KYAT3: variants seen among roughly 807,000 people sequenced by gnomAD.
KYAT3 encodes kynurenine aminotransferase 3, also known as kynurenine--oxoglutarate transaminase 3.
In KYAT3, 50 loss-of-function variants were observed where a neutral mutation model predicts 59.0. That is an observed-to-expected ratio of 0.85 (90% confidence interval 0.68 to 1.07). The LOEUF is 1.07. Among genes scored for constraint, KYAT3 ranks in the 50% least tolerant of loss-of-function variants. The pLI, the probability that KYAT3 is intolerant of heterozygous loss-of-function variation, is 0.00. For missense variants in KYAT3, 497 were observed against 533.3 expected, an observed-to-expected ratio of 0.93 and a Z score of 0.67; for synonymous variants, 148 against 177.0, an observed-to-expected ratio of 0.84 and a Z score of 1.30.
At chr1:88,937,339 A>G (rs1675079012) in intron 13 of KYAT3, among the ~76,000 whole-genome samples, 2 of 152,176 alleles carry the variant, frequency 1.3e-5, no homozygotes, top group South Asian at 4.1e-4. Context: ...GGAAAAGGGT[A>G]TTCTCTCAGG....
At chr1:88,975,827 G>C (rs893600924) in intron 2 of KYAT3, among the ~76,000 whole-genome samples, 4 of 152,012 alleles carry the variant, frequency 2.6e-5, no homozygotes, top group Non-Finnish European at 4.4e-5. Context: ...CTGAGGTCAG[G>C]AGTTCAAGAC....
At chr1:88,962,570 G>A (rs6685132) in intron 5 of KYAT3, among the ~76,000 whole-genome samples, 4,927 of 152,272 alleles carry the variant, frequency 0.032, 241 homozygotes, top group African/African-American at 0.11. Flanking sequence ...GGCTATGTGG[G>A]AAGAGAACAC....
chr1:88,930,448 C>T, the KYAT3 span, among the ~76,000 whole-genome samples: 5 of 152,148 alleles, frequency 3.3e-5, no homozygotes, highest in Non-Finnish European at 5.9e-5. Context: ...CTCAAACCTG[C>T]GCCGCTCGAG....
intron 8 of KYAT3, among the ~76,000 whole-genome samples, chr1:88,959,910 T>TA (rs1557690745): frequency 1.3e-5 from 2 of 149,932 alleles, no homozygotes; most frequent in South Asian, 2.1e-4. Flanking sequence ...TTATTTTTCT[T>TA]AAAAAAAATT....
intron 11 of KYAT3, among the ~76,000 whole-genome samples, chr1:88,943,637 C>T (rs1675328857): frequency 6.6e-6 from 1 of 152,162 alleles, no homozygotes; most frequent in African/African-American, 2.4e-5. Flanking sequence ...TAAGGCAGTA[C>T]TCACATATAC....
intron 2 of KYAT3, chr1:88,982,013 C>T (rs1165202036): frequency 2.0e-6 from 2 of 979,288 alleles, no homozygotes; most frequent in African/African-American, 3.5e-5. Context: ...GTTTAGCACA[C>T]ACTTAAATGG....
intron 8 of KYAT3, among the ~76,000 whole-genome samples, chr1:88,960,928 G>A (rs967344181): frequency 1.3e-5 from 2 of 152,202 alleles, no homozygotes; most frequent in African/African-American, 4.8e-5. Flanking sequence ...ATGGGCAAAA[G>A]AACTACTTTT....
chr1:88,933,447 G>A (rs1325955717), downstream of KYAT3, among the ~76,000 whole-genome samples: 2 of 152,068 alleles, frequency 1.3e-5, no homozygotes, highest in South Asian at 2.1e-4. Flanking sequence ...AAGTAAAGAA[G>A]ATAGGAACAA....
At chr1:88,946,340 A>G (rs1170105406) in intron 11 of KYAT3, among the ~76,000 whole-genome samples, 1 of 146,700 alleles carries the variant, frequency 6.8e-6, no homozygotes, top group Non-Finnish European at 1.5e-5. Context: ...TTTTTTTTTT[A>G]ATTTAAGAGA....
chr1:88,989,423 G>T (rs953741926), intron 1 of KYAT3, among the ~76,000 whole-genome samples: 30 of 152,132 alleles, frequency 2.0e-4, no homozygotes, highest in Admixed American at 1.8e-3. Flanking sequence ...CTGGGCCTCA[G>T]TTTCTCCATT....
downstream of KYAT3, among the ~76,000 whole-genome samples, chr1:88,931,089 G>A (rs941020809): frequency 4.6e-5 from 7 of 151,970 alleles, no homozygotes; most frequent in Non-Finnish European, 8.8e-5. Context: ...AAATACTTTT[G>A]CCTGCAGCTA....
Position 88,986,309 on chromosome 1 carries a change from C to A in KYAT3, c.99+1943G>T, listed in dbSNP as rs1325377719. Among the ~76,000 whole-genome samples the A allele has an allele frequency of 4.0e-5, 6 of 149,224 alleles. No individual in the cohort carries two copies. The East Asian group carries it at 1.2e-3, about 30-fold the overall frequency. ...CTGGTGGACATTTAAATTTTAGACT[C>A]TCTTAAAAAAAAAAAAATTAATAGA... On this transcript the variant is annotated intron_variant, in intron 2 of 13. Transcript: ENST00000260508.
At chr1:88,939,435 A>C (rs1675157309) in intron 13 of KYAT3, among the ~76,000 whole-genome samples, 2 of 152,294 alleles carry the variant, frequency 1.3e-5, no homozygotes, top group South Asian at 4.1e-4. Flanking sequence ...ATGTAAGAAG[A>C]GTCTGGGTCC....
intron 2 of KYAT3, among the ~76,000 whole-genome samples, chr1:88,975,386 C>T (rs1219878442): frequency 2.0e-5 from 3 of 152,122 alleles, no homozygotes; most frequent in South Asian, 4.1e-4. Context: ...CTCCTGACCT[C>T]GTGATCTGCC....
the KYAT3 span, among the ~76,000 whole-genome samples, chr1:88,926,085 G>A: frequency 6.6e-6 from 1 of 152,160 alleles, no homozygotes; most frequent in Non-Finnish European, 1.5e-5. Flanking sequence ...TAGAAAATTA[G>A]CCTTTAGAGG....
At chr1:88,983,565 A>G (rs767797886) in intron 2 of KYAT3, 11 of 1,613,974 alleles carry the variant, frequency 6.8e-6, no homozygotes. Context: ...CTTTCAAATG[A>G]TGGTTTGGTG....
At chr1:88,945,979 A>G (rs951766444) in intron 11 of KYAT3, among the ~76,000 whole-genome samples, 4 of 152,330 alleles carry the variant, frequency 2.6e-5, no homozygotes, top group South Asian at 4.1e-4. Context: ...CTAGTTCAAG[A>G]TCTAAGACCT....
intron 8 of KYAT3, among the ~76,000 whole-genome samples, chr1:88,959,360 C>T (rs1181941742): frequency 2.0e-5 from 3 of 151,524 alleles, no homozygotes; most frequent in East Asian, 1.9e-4. Context: ...GGGTGGATCA[C>T]GAGGTCAGGA....
chr1:88,965,780 T>C (rs1676326472), intron 4 of KYAT3, among the ~76,000 whole-genome samples: 1 of 152,192 alleles, frequency 6.6e-6, no homozygotes, highest in African/African-American at 2.4e-5. Flanking sequence ...ACCATCCTGA[T>C]TTTCTATCCC....
Sources: gnomAD v4.1 joint callset for allele counts (sites outside exome capture counted in the v4.1 genomes callset) on GRCh38, gnomAD v4.1.1 for gene constraint, MANE v1.5 for transcripts, NCBI Gene and HGNC (gene_info 2026-07-23, HGNC 2026-07-21) for gene names.